KIF13B: variants seen among roughly 807,000 people sequenced by gnomAD.
KIF13B encodes the protein kinesin family member 13B.
A neutral mutation model predicts 222.0 loss-of-function variants in KIF13B; 127 were observed. The observed-to-expected ratio is 0.57, with a 90% CI of 0.50 to 0.66. The LOEUF is 0.66. KIF13B is among the 30% of genes least tolerant of loss of function. The pLI is 0.00. For missense variants in KIF13B, 2,173 were observed against 2,379.0 expected, an observed-to-expected ratio of 0.91 and a Z score of 1.80; for synonymous variants, 976 against 919.0, an observed-to-expected ratio of 1.06 and a Z score of -1.12.
chr8:29,228,461 C>A (rs1815126126), intron 2 of KIF13B, among the ~76,000 whole-genome samples: 1 of 26,984 alleles, frequency 3.7e-5, no homozygotes, highest in Non-Finnish European at 1.2e-4. Flanking sequence ...AGCCAGACTC[C>A]ATCTTAAAAA....
chr8:29,257,035 G>T (rs1816506719), intron 1 of KIF13B, among the ~76,000 whole-genome samples: 2 of 152,142 alleles, frequency 1.3e-5, no homozygotes, highest in South Asian at 4.1e-4. Context: ...GAGTACAGGG[G>T]TGAGCCACCA....
At chr8:29,106,547 A>T (rs187959085) in intron 35 of KIF13B, among the ~76,000 whole-genome samples, 154 of 145,832 alleles carry the variant, frequency 1.1e-3, no homozygotes, top group African/African-American at 3.8e-3. Context: ...CAGGAGAATC[A>T]CTTGAACCTG....
At chr8:29,123,981 A>G in intron 27 of KIF13B, 43 bp downstream of exon 27, 1 of 1,213,848 alleles carries the variant, frequency 8.2e-7, no homozygotes, top group Non-Finnish European at 1.2e-6. Flanking sequence ...TTAATTATGC[A>G]TTGATTTGCA....
intron 2 of KIF13B, among the ~76,000 whole-genome samples, chr8:29,203,282 A>G (rs1813780138): frequency 6.6e-6 from 1 of 152,178 alleles, no homozygotes; most frequent in African/African-American, 2.4e-5. Context: ...TGACCCAGGT[A>G]CCAATCTTTC....
chr8:29,132,423 A>G lies in KIF13B; in HGVS notation c.2827T>C (p.Ser943Pro), dbSNP rs757303778. The change falls in exon 23 of 40, where the codon TCC (serine) becomes CCC (proline). Residue 943 changes from serine to proline, a missense_variant. Physicochemically the swap from Ser to Pro is moderately conservative, Grantham distance 74. Coordinates refer to ENST00000524189, the MANE Select transcript of KIF13B (RefSeq NM_015254.4). ...NITEDFIEHLSEGALAIEVYG... is the reference protein window; with the variant it reads ...NITEDFIEHLPEGALAIEVYG... Reference sequence around the variant, plus strand: ...ACTTCAATTGCCAATGCTCCTTCGGAAAGATGCTCGATAAAGTCTTCGGTG... The same window carrying G: ...ACTTCAATTGCCAATGCTCCTTCGGGAAGATGCTCGATAAAGTCTTCGGTG... 3.2e-6 allele frequency: 5 copies of G among 1,577,724 alleles called. No homozygotes were observed. The highest frequency in any genetic ancestry group is 8.6e-7 in the Non-Finnish European group (1 of 1,160,752).
intron 10 of KIF13B, among the ~76,000 whole-genome samples, chr8:29,173,731 G>A (rs769386894): frequency 6.6e-6 from 1 of 151,986 alleles, no homozygotes; most frequent in Non-Finnish European, 1.5e-5. Context: ...ATCACTTGAG[G>A]TCAGGAGTTC....
rs764638416 is a variant in KIF13B at position 29,119,013 on chromosome 8, T to C, written c.3536-21A>G. On this transcript the variant is annotated intron_variant, in intron 29 of 39. Coordinates refer to ENST00000524189, the MANE Select transcript of KIF13B (RefSeq NM_015254.4). Reference sequence around the variant, plus strand: ...ATCAGCTAAAAGCAAAGAAGTTCCATTAAATACTGAGATCATTTTCAAGGA... The same window carrying C: ...ATCAGCTAAAAGCAAAGAAGTTCCACTAAATACTGAGATCATTTTCAAGGA... 6 of 1,608,108 alleles carry C rather than the reference T, an allele frequency of 3.7e-6. No homozygotes were observed. The African/African-American group carries it at 8.0e-5, about 22-fold the overall frequency.
intron 2 of KIF13B, among the ~76,000 whole-genome samples, chr8:29,209,545 T>A (rs1360738406): frequency 1.3e-5 from 2 of 152,164 alleles, no homozygotes; most frequent in Non-Finnish European, 2.9e-5. Flanking sequence ...CTCCTTGAGT[T>A]CATCTCCTGT....
At chr8:29,163,600 G>A (rs1811872964) in intron 12 of KIF13B, among the ~76,000 whole-genome samples, 1 of 152,226 alleles carries the variant, frequency 6.6e-6, no homozygotes. Flanking sequence ...GATTTTGAAA[G>A]ATATCAGTTT....
chr8:29,087,089 T>A (rs977433320), intron 37 of KIF13B, among the ~76,000 whole-genome samples: 3 of 152,254 alleles, frequency 2.0e-5, no homozygotes, highest in African/African-American at 7.2e-5. Flanking sequence ...TCAGGCTTAC[T>A]TGATTGGTGA....
At chr8:29,162,005 T>A (rs1811804616) in intron 12 of KIF13B, among the ~76,000 whole-genome samples, 1 of 152,212 alleles carries the variant, frequency 6.6e-6, no homozygotes, top group South Asian at 2.1e-4. Context: ...GTTATTTTCA[T>A]AACACGGGCC....
In KIF13B at chr8:29,071,137, G is replaced by C. The variant is rs1336831390; in HGVS notation, c.5219-371C>G. ...GCGGGAACAGACCCTTCTCCATCTG[G>C]ACCCAGGCCTGGGCTGGGTGGCGGG... On this transcript the variant is annotated intron_variant, in intron 39 of 39. Coordinates refer to ENST00000524189, the MANE Select transcript of KIF13B (RefSeq NM_015254.4). The surrounding 1 kb of genome is among the most constrained non-coding windows in gnomAD (Gnocchi z 4.9). Among the ~76,000 whole-genome samples the C allele has an allele frequency of 1.3e-5, 2 of 152,178 alleles. No individual in the cohort carries two copies. Among genetic ancestry groups the C allele is most frequent in the Non-Finnish European group, 2.9e-5 (2 of 68,002 alleles).
chr8:29,156,195 T>A (rs1028447746), intron 13 of KIF13B, among the ~76,000 whole-genome samples: 1 of 152,168 alleles, frequency 6.6e-6, no homozygotes, highest in Non-Finnish European at 1.5e-5. Flanking sequence ...GGTCTCAAAC[T>A]CCTGACCTCA....
chr8:29,190,804 G>A (rs75075124), intron 4 of KIF13B, 193 bp downstream of exon 4: 8,629 of 610,824 alleles, frequency 0.014, 580 homozygotes, highest in African/African-American at 0.14. Context: ...AGTGTCTGCC[G>A]CTTGGGGTGC....
chr8:29,236,162 T>C (rs896381027), intron 2 of KIF13B, among the ~76,000 whole-genome samples: 1 of 152,196 alleles, frequency 6.6e-6, no homozygotes, highest in Non-Finnish European at 1.5e-5. Context: ...ATTTAAACAC[T>C]GAAAATTTGA....
intron 29 of KIF13B, among the ~76,000 whole-genome samples, chr8:29,120,929 A>G (rs1174202473): frequency 5.7e-5 from 3 of 52,318 alleles, no homozygotes; most frequent in Admixed American, 2.4e-4. Flanking sequence ...TCTGATGGCC[A>G]GTGATGATGA....
intron 1 of KIF13B, among the ~76,000 whole-genome samples, chr8:29,262,628 G>T (rs1439386014): frequency 6.6e-6 from 1 of 151,736 alleles, no homozygotes; most frequent in East Asian, 1.9e-4. Context: ...GCGAGGCTGA[G>T]GGGCCAGGAC....
intron 22 of KIF13B, among the ~76,000 whole-genome samples, chr8:29,133,331 G>A (rs1810426979): frequency 6.6e-6 from 1 of 152,208 alleles, no homozygotes; most frequent in Non-Finnish European, 1.5e-5. Context: ...GCTCATGCCT[G>A]TAATCCCAGC....
At chr8:29,157,302 C>T (rs189159218) in intron 13 of KIF13B, among the ~76,000 whole-genome samples, 147 of 151,422 alleles carry the variant, frequency 9.7e-4, no homozygotes, top group Non-Finnish European at 1.7e-3. Flanking sequence ...CACCTGTAAT[C>T]CCAGCAATTT....
Sources: allele counts gnomAD v4.1 joint callset (sites outside exome capture counted in the v4.1 genomes callset), GRCh38; gene constraint gnomAD v4.1.1; non-coding constraint Gnocchi (gnomAD v3.1); transcripts MANE v1.5; gene names NCBI Gene and HGNC (gene_info 2026-07-23, HGNC 2026-07-21).